Variants in COL5A2 observed in about 807,000 individuals in gnomAD.
COL5A2 encodes collagen type V alpha 2 chain, also known as collagen alpha-2(V) chain.
A neutral mutation model predicts 208.2 loss-of-function variants in COL5A2; 23 were observed. That is an observed-to-expected ratio of 0.11 (90% CI 0.08 to 0.16). The LOEUF (loss-of-function observed/expected upper bound fraction) is 0.16. Among genes scored for constraint, COL5A2 ranks in the 10% least tolerant of loss-of-function variants. The pLI, the probability that COL5A2 is intolerant of heterozygous loss-of-function variation, is 1.00. For missense variants in COL5A2, 1,590 were observed against 1,956.4 expected, an observed-to-expected ratio of 0.81 and a Z score of 3.53; for synonymous variants, 625 against 628.5, an observed-to-expected ratio of 0.99 and a Z score of 0.08.
the COL5A2 span, among the ~76,000 whole-genome samples, chr2:189,414,776 A>AAAAAG: frequency 3.0e-5 from 4 of 133,210 alleles, no homozygotes; most frequent in Admixed American, 7.6e-5. Context: ...AAAAAAAAAA[A>AAAAAG]GAATGTTTCC....
the COL5A2 span, among the ~76,000 whole-genome samples, chr2:189,426,041 G>C: frequency 6.6e-6 from 1 of 152,136 alleles, no homozygotes; most frequent in East Asian, 1.9e-4. Context: ...TCAAGAGTGA[G>C]GCATTGCTAT....
At chr2:189,271,643 G>A in the COL5A2 span, among the ~76,000 whole-genome samples, 1 of 152,128 alleles carries the variant, frequency 6.6e-6, no homozygotes, top group African/African-American at 2.4e-5. Flanking sequence ...GGCGACAAAA[G>A]CCAAAGTTGA....
chr2:189,249,031 A>G, the COL5A2 span, among the ~76,000 whole-genome samples: 1 of 152,188 alleles, frequency 6.6e-6, no homozygotes, highest in African/African-American at 2.4e-5. Context: ...AATTATTTGT[A>G]ACAAGATTAG....
chr2:189,399,984 A>G, the COL5A2 span, among the ~76,000 whole-genome samples: 4 of 152,112 alleles, frequency 2.6e-5, no homozygotes, highest in Non-Finnish European at 5.9e-5. Context: ...TACAGGTGTG[A>G]GCCACCACAC....
chr2:189,335,860 T>C, the COL5A2 span, among the ~76,000 whole-genome samples: 3 of 152,146 alleles, frequency 2.0e-5, no homozygotes, highest in African/African-American at 7.2e-5. Flanking sequence ...ACTTTGTGAA[T>C]ATACTAAAAA....
chr2:189,281,007 TA>T, the COL5A2 span, among the ~76,000 whole-genome samples: 4 of 151,918 alleles, frequency 2.6e-5, no homozygotes, highest in Non-Finnish European at 4.4e-5. Context: ...TGCACCAATC[TA>T]ATACATTATT....
At chr2:189,123,965 T>A (rs1054556215) in intron 1 of COL5A2, among the ~76,000 whole-genome samples, 4 of 152,246 alleles carry the variant, frequency 2.6e-5, no homozygotes, top group African/African-American at 9.6e-5. Context: ...CACATTTACA[T>A]GTACAAAAGT....
chr2:189,402,250 G>A, the COL5A2 span, among the ~76,000 whole-genome samples: 676 of 152,168 alleles, frequency 4.4e-3, 3 homozygotes, highest in African/African-American at 0.015. Context: ...ATGGAGTCTC[G>A]CTCTATCACC....
chr2:189,058,488 T>C lies in COL5A2; in HGVS notation c.2170A>G (p.Ile724Val), dbSNP rs772065096. 5.6e-6 allele frequency: 9 copies of C among 1,613,916 alleles called. No individual in the cohort carries two copies. The African/African-American group carries it at 8.0e-5, about 14-fold the overall frequency. The change falls in exon 33 of 54, where the codon ATA (isoleucine) becomes GTA (valine). Residue 724 changes from isoleucine to valine, a missense_variant. Coordinates refer to ENST00000374866, the MANE Select transcript of COL5A2 (RefSeq NM_000393.5). ...GNPGERGEPG[I>V]TGLPGEKGMA... ...CCCTTCTCACCAGGGAGTCCAGTTA[T>C]CCCAGGTTCTCCTCTTTCCCCAGGA...
the COL5A2 span, among the ~76,000 whole-genome samples, chr2:189,399,292 C>A: frequency 1.3e-5 from 2 of 150,552 alleles, no homozygotes; most frequent in Non-Finnish European, 2.9e-5. Context: ...GCTCTGTCAC[C>A]CAGGCTGGAA....
chr2:189,058,371 G>A (rs1576498922), intron 33 of COL5A2, 58 bp downstream of exon 33: 18 of 1,276,844 alleles, frequency 1.4e-5, no homozygotes, highest in South Asian at 9.6e-5. Context: ...ACCATCATGC[G>A]TTTATTAAGC....
In COL5A2 at chr2:189,057,270, A is replaced by G. The variant is rs551744003; in HGVS notation, c.2337+50T>C. 3.3e-4 allele frequency: 426 copies of G among 1,285,654 alleles called. 5 individuals are homozygous for G. In the South Asian group the frequency reaches 5.2e-3, roughly 16 times the overall value. 79.6% of individuals were successfully genotyped at this position (1,285,654 alleles called of 1,614,324 possible). ...CAAGAAATCATTTCATTTTCAGCAG[A>G]AAGTCTGAATAAATGAACTGAAAAA... On this transcript the variant is annotated intron_variant, in intron 34 of 53. Transcript: ENST00000374866.
chr2:189,428,626 A>C, the COL5A2 span, among the ~76,000 whole-genome samples: 6 of 152,014 alleles, frequency 3.9e-5, no homozygotes, highest in Non-Finnish European at 8.8e-5. Flanking sequence ...TGAAAAAAAA[A>C]ATAAAAAAGT....
the COL5A2 span, among the ~76,000 whole-genome samples, chr2:189,350,617 T>G: frequency 6.6e-6 from 1 of 152,178 alleles, no homozygotes; most frequent in South Asian, 2.1e-4. Context: ...CATGGCTTTG[T>G]GACTAATTAT....
the COL5A2 span, among the ~76,000 whole-genome samples, chr2:189,352,396 G>A: frequency 1.3e-5 from 2 of 152,130 alleles, no homozygotes; most frequent in Non-Finnish European, 1.5e-5. Flanking sequence ...CAAAATAGTT[G>A]AACTAATTTA....
At chr2:189,072,765 C>CAAAAAAAAAAAAAAAAAAAAAAAAAA (rs58636533) in intron 17 of COL5A2, among the ~76,000 whole-genome samples, 1 of 67,538 alleles carries the variant, frequency 1.5e-5, no homozygotes, top group Non-Finnish European at 2.9e-5. Context: ...ACTCCATCTC[C>CAAAAAAAAAAAAAAAAAAAAAAAAAA]AAAAAAAAAA....
At chr2:189,353,481 A>G in the COL5A2 span, among the ~76,000 whole-genome samples, 2 of 152,122 alleles carry the variant, frequency 1.3e-5, no homozygotes, top group Non-Finnish European at 2.9e-5. Context: ...AGTGGTTTGT[A>G]GTTCTCCTTG....
At chr2:189,164,963 G>T (rs569752599) in intron 1 of COL5A2, among the ~76,000 whole-genome samples, 1 of 152,308 alleles carries the variant, frequency 6.6e-6, no homozygotes, top group African/African-American at 2.4e-5. Flanking sequence ...GCTCAGGCAA[G>T]GTGCATGCCA....
At chr2:189,041,779 T>C in intron 49 of COL5A2, 86 bp from the exon 50 acceptor site, 1 of 822,770 alleles carries the variant, frequency 1.2e-6, no homozygotes. Context: ...ATTTTACATA[T>C]GGAGCTGTAA....
Sources: allele counts gnomAD v4.1 joint callset (sites outside exome capture counted in the v4.1 genomes callset), GRCh38; gene constraint gnomAD v4.1.1; transcripts MANE v1.5; gene names NCBI Gene and HGNC (gene_info 2026-07-23, HGNC 2026-07-21).